LRP1B: variants seen among roughly 807,000 people sequenced by gnomAD.
The protein encoded by LRP1B is LDL receptor related protein 1B.
In LRP1B, 217 loss-of-function variants were observed where a neutral mutation model predicts 556.6. That is an observed-to-expected ratio of 0.39 (90% CI 0.35 to 0.44). LRP1B has a LOEUF of 0.44. LRP1B is among the 20% of genes least tolerant of loss of function. The probability of loss-of-function intolerance (pLI) is 1.00; values close to 1 mark genes in which losing one functional copy is unlikely to be tolerated. For synonymous variants in LRP1B, 2,047 were observed against 1,865.8 expected (o/e 1.10, Z -2.50); for missense variants, 5,053 against 5,620.8 (o/e 0.90, Z 3.23).
At chr2:141,399,445 T>G (rs531306118) in intron 3 of LRP1B, among the ~76,000 whole-genome samples, 6,927 of 45,084 alleles carry the variant, frequency 0.15, 212 homozygotes, top group Non-Finnish European at 0.31. Flanking sequence ...AGTCACTGTT[T>G]CCTCCCTTTC....
intron 2 of LRP1B, among the ~76,000 whole-genome samples, chr2:141,556,327 G>A (rs1486619566): frequency 6.6e-6 from 1 of 151,896 alleles, no homozygotes; most frequent in Non-Finnish European, 1.5e-5. Flanking sequence ...ATGCCAGTTT[G>A]GCAAGTGTCT....
chr2:141,765,765 G>T (rs1694714950), intron 2 of LRP1B, among the ~76,000 whole-genome samples: 1 of 152,088 alleles, frequency 6.6e-6, no homozygotes, highest in Non-Finnish European at 1.5e-5. Flanking sequence ...TCTTCAGGTG[G>T]AATTTATAAC....
chr2:141,750,930 T>C (rs868119902), intron 2 of LRP1B, among the ~76,000 whole-genome samples: 5 of 152,158 alleles, frequency 3.3e-5, no homozygotes, highest in Middle Eastern at 3.4e-3. Context: ...AATTTCATGA[T>C]AAAACCTTTA....
chr2:140,929,981 C>T (rs552770141), intron 20 of LRP1B, among the ~76,000 whole-genome samples: 36 of 152,036 alleles, frequency 2.4e-4, no homozygotes, highest in African/African-American at 8.0e-4. Flanking sequence ...ATTTGAAATC[C>T]GCTTCTGTTA....
At chr2:140,923,400 TA>T (rs1341137492) in intron 20 of LRP1B, among the ~76,000 whole-genome samples, 1 of 152,114 alleles carries the variant, frequency 6.6e-6, no homozygotes, top group Admixed American at 6.6e-5. Flanking sequence ...CTGAAAGTAC[TA>T]TGTACATTAG....
At chr2:142,128,150 A>T (rs146009539) in intron 1 of LRP1B, among the ~76,000 whole-genome samples, 2 of 152,310 alleles carry the variant, frequency 1.3e-5, no homozygotes, top group East Asian at 3.9e-4. Context: ...GAACATAAAC[A>T]TACGAGTTAG....
At position 140,325,910 on chromosome 2, in the gene LRP1B, G is replaced by A. The variant is rs1371807815; in HGVS notation, c.12224-32C>T. 4 of 1,289,838 alleles carry A rather than the reference G, an allele frequency of 3.1e-6. No individual in the cohort carries two copies. In the South Asian group the frequency reaches 3.6e-5, roughly 12 times the overall value. The allele number at this position is 1,289,838 out of a possible 1,614,324, so 79.9% of individuals were successfully genotyped here. A position where few individuals can be genotyped will look rare whatever the true frequency, so the allele number is the denominator to read the frequency against. ...AATCAACACACACAAGACAAATAGT[G>A]CAAGTAAATTTGAAATCATTCAAAA... On this transcript the variant is annotated intron_variant, in intron 79 of 90. Coordinates refer to ENST00000389484, the MANE Select transcript of LRP1B (RefSeq NM_018557.3).
intron 45 of LRP1B, among the ~76,000 whole-genome samples, chr2:140,536,933 G>T (rs941288094): frequency 6.6e-6 from 1 of 151,206 alleles, no homozygotes; most frequent in African/African-American, 2.4e-5. Context: ...CAGCACTTTT[G>T]GAGGCTGAGG....
At chr2:140,584,262 AC>A (rs1681894691) in intron 43 of LRP1B, among the ~76,000 whole-genome samples, 2 of 152,032 alleles carry the variant, frequency 1.3e-5, no homozygotes, top group African/African-American at 4.8e-5. Flanking sequence ...CAAACATGAA[AC>A]TTTTAAAACT....
chr2:141,062,326 T>C, intron 7 of LRP1B, 53 bp from the exon 8 acceptor site: 1 of 1,195,500 alleles, frequency 8.4e-7, no homozygotes, highest in Admixed American at 2.1e-5. Flanking sequence ...GGAAGCACGT[T>C]TGATGGAGCC....
chr2:140,690,089 G>C (rs1182073485), intron 41 of LRP1B, among the ~76,000 whole-genome samples: 1 of 151,544 alleles, frequency 6.6e-6, no homozygotes, highest in African/African-American at 2.4e-5. Flanking sequence ...AAGAATATCA[G>C]AGCATAAATT....
chr2:140,799,954 G>A (rs934289706), intron 32 of LRP1B, among the ~76,000 whole-genome samples: 1 of 152,136 alleles, frequency 6.6e-6, no homozygotes, highest in Non-Finnish European at 1.5e-5. Context: ...GAAGCAGGGT[G>A]AGGCATTGCC....
intron 3 of LRP1B, among the ~76,000 whole-genome samples, chr2:141,341,715 C>A (rs1424128264): frequency 6.6e-6 from 1 of 152,132 alleles, no homozygotes; most frequent in East Asian, 1.9e-4. Context: ...CCAGGCCTTG[C>A]CACAAAAACC....
At chr2:140,990,992 T>C (rs1332152450) in intron 16 of LRP1B, among the ~76,000 whole-genome samples, 3 of 152,156 alleles carry the variant, frequency 2.0e-5, no homozygotes, top group African/African-American at 7.2e-5. Flanking sequence ...GCTTTGTTGA[T>C]ACGTGGTTTT....
intron 1 of LRP1B, among the ~76,000 whole-genome samples, chr2:141,830,660 C>T (rs1697084370): frequency 6.6e-6 from 1 of 151,754 alleles, no homozygotes; most frequent in Non-Finnish European, 1.5e-5. Flanking sequence ...CTAACACCTG[C>T]ACTAGTGATT....
chr2:140,420,978 G>A (rs889986084), intron 66 of LRP1B, among the ~76,000 whole-genome samples: 1 of 138,168 alleles, frequency 7.2e-6, no homozygotes. Flanking sequence ...TTCCTGGGCT[G>A]GGCACAGTGT....
intron 41 of LRP1B, among the ~76,000 whole-genome samples, chr2:140,657,281 G>A (rs1684912251): frequency 6.6e-6 from 1 of 151,842 alleles, no homozygotes; most frequent in African/African-American, 2.4e-5. Flanking sequence ...AGGCAGTGCG[G>A]TAGAAAACAT....
At chr2:141,867,710 G>GT (rs1321725311) in intron 1 of LRP1B, among the ~76,000 whole-genome samples, 1 of 152,058 alleles carries the variant, frequency 6.6e-6, no homozygotes, top group Non-Finnish European at 1.5e-5. Context: ...ATAATAGAAA[G>GT]GTAAGACTTT....
intron 30 of LRP1B, among the ~76,000 whole-genome samples, chr2:140,840,306 A>G (rs1692060496): frequency 6.6e-6 from 1 of 152,166 alleles, no homozygotes; most frequent in Non-Finnish European, 1.5e-5. Context: ...GTGAAGAAAA[A>G]ATATCTCACT....
Sources: gnomAD v4.1 joint callset for allele counts (sites outside exome capture counted in the v4.1 genomes callset) on GRCh38, gnomAD v4.1.1 for gene constraint, MANE v1.5 for transcripts, NCBI Gene and HGNC (gene_info 2026-07-23, HGNC 2026-07-21) for gene names.